SACM1L: variants seen among roughly 807,000 people sequenced by gnomAD.
The protein encoded by SACM1L is SAC1 like phosphatidylinositide phosphatase.
A neutral mutation model predicts 89.5 loss-of-function variants in SACM1L; 32 were observed. The ratio of observed to expected loss-of-function variants is 0.36; its 90% CI spans 0.27 to 0.48. The LOEUF (loss-of-function observed/expected upper bound fraction) is 0.48. Ranked by LOEUF, SACM1L falls within the 20% of genes least tolerant of loss-of-function variation. SACM1L has a pLI of 0.99. For missense variants in SACM1L, 543 were observed against 708.5 expected (o/e 0.77, Z 2.65); for synonymous variants, 213 against 232.8 (o/e 0.92, Z 0.77).
At chr3:45,715,109 G>A (rs1433023811) in intron 7 of SACM1L, among the ~76,000 whole-genome samples, 1 of 152,124 alleles carries the variant, frequency 6.6e-6, no homozygotes, top group Non-Finnish European at 1.5e-5. Flanking sequence ...AGTAGGCTGT[G>A]CCATCTAGGT....
chr3:45,709,467 A>G (rs1698472687), intron 4 of SACM1L, 31 bp from the exon 5 acceptor site: 1 of 1,556,066 alleles, frequency 6.4e-7, no homozygotes, highest in Non-Finnish European at 8.7e-7. Flanking sequence ...CTTTTCAATT[A>G]TGAGCTATAC....
intron 3 of SACM1L, among the ~76,000 whole-genome samples, chr3:45,705,549 C>T (rs1334765077): frequency 7.6e-6 from 1 of 130,866 alleles, no homozygotes; most frequent in African/African-American, 3.1e-5. Flanking sequence ...GTTGCCCAGG[C>T]TGGAGTGCAA....
intron 9 of SACM1L, among the ~76,000 whole-genome samples, 162 bp from the exon 10 acceptor site, chr3:45,722,707 A>G (rs1443434733): frequency 6.6e-6 from 1 of 152,254 alleles, no homozygotes; most frequent in African/African-American, 2.4e-5. Flanking sequence ...TCCATAAAAT[A>G]TGAACTTTAG....
At chr3:45,743,413 A>G (rs1699357418) in intron 19 of SACM1L, 120 bp from the exon 20 acceptor site, 1 of 1,028,526 alleles carries the variant, frequency 9.7e-7, no homozygotes, top group African/African-American at 1.6e-5. Context: ...AGAGGTTCTT[A>G]TATTTTTCCT....
chr3:45,719,094 C>A (rs1208413113), intron 7 of SACM1L, among the ~76,000 whole-genome samples: 1 of 151,908 alleles, frequency 6.6e-6, no homozygotes, highest in African/African-American at 2.4e-5. Flanking sequence ...TTTTTTTCCC[C>A]TTAGCTGCAG....
intron 5 of SACM1L, among the ~76,000 whole-genome samples, chr3:45,710,390 G>T (rs920908268): frequency 6.6e-6 from 1 of 151,110 alleles, no homozygotes; most frequent in Non-Finnish European, 1.5e-5. Flanking sequence ...ATGGGGTTTC[G>T]CCATGTTGCC....
intron 11 of SACM1L, chr3:45,730,586 G>T (rs959367769): frequency 6.6e-6 from 1 of 152,230 alleles, no homozygotes; most frequent in African/African-American, 2.4e-5. Context: ...GAGTAGCCAG[G>T]CTTGCTGTGA....
At position 45,709,647 on chromosome 3, in the gene SACM1L, G is replaced by A; in HGVS notation, c.483G>A (p.Arg161=). ...PEFQEMSLLE[R]ADQRFVWNGH... is the part of the protein sequence containing the mutation. ...TCCAAGAAATGAGTCTCTTGGAAAG[G>A]GTAAGCTTGATCTTCAATTATTTTT... The change falls in exon 5 of 20, where the codon AGG becomes AGA. Residue 161 remains arginine, a splice_region_variant and synonymous_variant. Coordinates refer to ENST00000389061, the MANE Select transcript of SACM1L (RefSeq NM_014016.5). The A allele has an allele frequency of 1.2e-6, 2 of 1,600,960 alleles. No homozygotes were observed. Among genetic ancestry groups the A allele is most frequent in the Non-Finnish European group, 1.7e-6 (2 of 1,176,308 alleles).
chr3:45,737,408 G>A, intron 14 of SACM1L, 175 bp from the exon 15 acceptor site: 1 of 650,640 alleles, frequency 1.5e-6, no homozygotes, highest in Non-Finnish European at 2.7e-6. Context: ...TTTGCAGTCT[G>A]CCCTGGGCAG....
At chr3:45,696,639 A>G (rs1242473597) in intron 1 of SACM1L, among the ~76,000 whole-genome samples, 3 of 149,120 alleles carry the variant, frequency 2.0e-5, no homozygotes, top group African/African-American at 4.9e-5. Context: ...GTTATTTTCT[A>G]TCCTGGGTTT....
chr3:45,733,539 T>C (rs937329284), intron 13 of SACM1L, among the ~76,000 whole-genome samples: 2 of 152,168 alleles, frequency 1.3e-5, no homozygotes, highest in Non-Finnish European at 2.9e-5. Context: ...CCTTACCAAT[T>C]CTGCATGATC....
chr3:45,723,537 C>A lies in SACM1L; in HGVS notation c.915C>A (p.Ile305=). The change falls in exon 11 of 20, where the codon ATC becomes ATA. Residue 305 remains isoleucine (I), a synonymous_variant. Coordinates refer to ENST00000389061, the MANE Select transcript of SACM1L (RefSeq NM_014016.5). ...QVIIYGKQVI[I]NLINQKGSEK... The stretch of plus-strand genomic sequence containing the variant: ...TTATTTATGGAAAACAAGTTATAAT[C>A]AATCTGGTATGTTTCTTATGTTTCT... 3.4e-6 allele frequency: 5 copies of A among 1,465,850 alleles called. No homozygotes were observed. The South Asian group carries it at 4.3e-5, about 12-fold the overall frequency. 90.8% of individuals were successfully genotyped at this position (1,465,850 alleles called of 1,614,324 possible).
intron 5 of SACM1L, among the ~76,000 whole-genome samples, chr3:45,710,716 C>T (rs1359423037): frequency 6.6e-6 from 1 of 151,948 alleles, no homozygotes; most frequent in Non-Finnish European, 1.5e-5. Flanking sequence ...AGTAATTGAC[C>T]ATTTTTGACC....
In SACM1L at chr3:45,703,482, G is replaced by A; in HGVS notation, c.77G>A (p.Gly26Glu). The A allele has an allele frequency of 6.2e-7, 1 of 1,613,182 alleles. No homozygotes were observed. The highest frequency in any genetic ancestry group is 8.5e-7 in the Non-Finnish European group (1 of 1,179,390). ...EKFYVEACDD[G>E]ADDVLTIDRV... ...TTTTATGTGGAAGCTTGTGATGATG[G>A]AGCAGATGACGTACTTACCATTGAC... Residue 26 changes from glycine (G) to glutamate (E), a missense_variant, in exon 2 of 20, where the codon GGA (glycine) becomes GAA (glutamate). Physicochemically the swap from Gly to Glu is moderately conservative, Grantham distance 98. Around this residue, in one of 2 missense-constraint regions of SACM1L, gnomAD observed 173 missense variants for 180.9 expected, o/e 0.96. Transcript: ENST00000389061.
At chr3:45,737,542 A>C in intron 14 of SACM1L, 41 bp from the exon 15 acceptor site, 2 of 1,561,080 alleles carry the variant, frequency 1.3e-6, no homozygotes, top group Non-Finnish European at 1.7e-6. Context: ...TGTCTGCTAA[A>C]ATCTATTACA....
rs1404828998 is a variant in SACM1L at position 45,697,901 on chromosome 3, G to A, written c.33-5537G>A. Among the ~76,000 whole-genome samples, 3 of 152,176 alleles carry A rather than the reference G, an allele frequency of 2.0e-5. No individual in the cohort carries two copies. The East Asian group carries it at 5.8e-4, about 29-fold the overall frequency. On this transcript the variant is annotated intron_variant, in intron 1 of 19. Transcript: ENST00000389061. ...GAACCTTAGAGATCTGTTATCAACA[G>A]TATAGATAATGACCAAATAATCTTC...
At chr3:45,690,753 C>T (rs1367808956) in intron 1 of SACM1L, among the ~76,000 whole-genome samples, 4 of 152,182 alleles carry the variant, frequency 2.6e-5, no homozygotes, top group African/African-American at 7.2e-5. Flanking sequence ...CTATTTTCTC[C>T]CAGTTCCCCT....
Position 45,735,331 on chromosome 3 carries a change from C to A in SACM1L, c.1197C>A (p.Ile399=), listed in dbSNP as rs778712689. 1.3e-6 allele frequency: 2 copies of A among 1,594,736 alleles called. No individual in the cohort carries two copies. The highest frequency in any genetic ancestry group is 1.7e-6 in the Non-Finnish European group (2 of 1,173,468). The change falls in exon 14 of 20, where the codon ATC becomes ATA. Residue 399 remains isoleucine (I), a synonymous_variant. Coordinates refer to ENST00000389061, the MANE Select transcript of SACM1L (RefSeq NM_014016.5). ...CMDCLDRTNV[I]QSLLARRSLQ... ...ATTGTCTAGATAGAACCAATGTGAT[C>A]CAGAGTTTGTTAGCTCGTCGTTCAC...
In SACM1L at chr3:45,702,191, G is replaced by T. The variant is rs138192322; in HGVS notation, c.33-1247G>T. Among the ~76,000 whole-genome samples the T allele has an allele frequency of 1.2e-4, 18 of 152,302 alleles. No individual in the cohort carries two copies. The East Asian group carries it at 3.3e-3, about 28-fold the overall frequency. ...TGTAAGTTATATTTGGGTAATTAAGGATTGATTATTCCTCAGAGAACTTGC... is the reference window on the plus strand; with the variant it reads ...TGTAAGTTATATTTGGGTAATTAAGTATTGATTATTCCTCAGAGAACTTGC... On this transcript the variant is annotated intron_variant, in intron 1 of 19. Coordinates refer to ENST00000389061, the MANE Select transcript of SACM1L (RefSeq NM_014016.5).
Sources: gnomAD v4.1 joint callset for allele counts (sites outside exome capture counted in the v4.1 genomes callset) on GRCh38, gnomAD v4.1.1 for gene constraint, gnomAD v4.1.1 regional missense constraint, MANE v1.5 for transcripts, NCBI Gene and HGNC (gene_info 2026-07-23, HGNC 2026-07-21) for gene names.